Variants in NAA35 observed in about 807,000 individuals in gnomAD.
NAA35 encodes the protein N-alpha-acetyltransferase 35, NatC auxiliary subunit.
Under a neutral mutation model 101.7 loss-of-function variants are expected in NAA35, and 18 were observed. The observed-to-expected ratio is 0.18, with a 90% CI of 0.12 to 0.26. The LOEUF is 0.26. Ranked by LOEUF, NAA35 falls within the 10% of genes least tolerant of loss-of-function variation. NAA35 has a pLI of 1.00. For synonymous variants in NAA35, 267 were observed against 273.1 expected (o/e 0.98, Z 0.22); for missense variants, 601 against 886.8 (o/e 0.68, Z 4.09).
At chr9:86,014,371 C>CAGAGTAGTTGA in intron 17 of NAA35, 1 of 982,946 alleles carries the variant, frequency 1.0e-6, no homozygotes, top group African/African-American at 1.7e-5. Context: ...TGATCTTCGG[C>CAGAGTAGTTGA]AGAGTAGTTC....
chr9:85,951,507 G>T (rs1025010842), intron 2 of NAA35, among the ~76,000 whole-genome samples: 2 of 152,148 alleles, frequency 1.3e-5, no homozygotes, highest in African/African-American at 2.4e-5. Flanking sequence ...CCCTGGTAAT[G>T]GACTCTTTAT....
intron 11 of NAA35, chr9:85,986,908 G>C (rs1830674230): frequency 6.1e-6 from 1 of 164,522 alleles, no homozygotes. Flanking sequence ...CCAATCTTTT[G>C]GCTTCCCAGG....
chr9:86,016,246 T>C lies in NAA35; in HGVS notation c.1569-293T>C, dbSNP rs146139468. ...TATTTGCTTTGTGATTAAAAGAAAA[T>C]ATTTATAGACTGAACTGAACTGTGT... On this transcript the variant is annotated intron_variant, in intron 17 of 22. Coordinates refer to ENST00000361671, the MANE Select transcript of NAA35 (RefSeq NM_024635.4). Among the ~76,000 whole-genome samples, 218 of 152,268 alleles carry C rather than the reference T, an allele frequency of 1.4e-3. 2 individuals are homozygous for C. The highest frequency in any genetic ancestry group is 0.012 in the Admixed American group (184 of 15,284).
intron 2 of NAA35, among the ~76,000 whole-genome samples, chr9:85,952,288 G>GTT (rs199959174): frequency 3.6e-4 from 42 of 116,784 alleles, no homozygotes; most frequent in East Asian, 1.4e-3. Context: ...AGTGTTTTTT[G>GTT]TTTTTTTTTT....
chr9:86,012,936 C>A (rs926349174), intron 15 of NAA35, 110 bp from the exon 16 acceptor site: 17 of 581,136 alleles, frequency 2.9e-5, no homozygotes, highest in Non-Finnish European at 4.4e-5. Context: ...CTAATTCTTA[C>A]ATACACAGCA....
At chr9:86,004,564 A>G (rs534991408) in intron 13 of NAA35, among the ~76,000 whole-genome samples, 1 of 152,350 alleles carries the variant, frequency 6.6e-6, no homozygotes, top group South Asian at 2.1e-4. Context: ...ACAGAAGGAA[A>G]TAATGAGCAG....
intron 6 of NAA35, among the ~76,000 whole-genome samples, chr9:85,974,567 T>G (rs1229655711): frequency 6.6e-6 from 1 of 152,200 alleles, no homozygotes; most frequent in Non-Finnish European, 1.5e-5. Context: ...TAATAATTTT[T>G]TAAGTAGTCT....
chr9:86,006,785 T>C (rs916487472), intron 13 of NAA35, among the ~76,000 whole-genome samples: 5 of 152,330 alleles, frequency 3.3e-5, no homozygotes, highest in African/African-American at 1.2e-4. Context: ...AACAAACATG[T>C]AAATTTTACC....
At chr9:85,955,261 G>A (rs1458008993) in intron 2 of NAA35, among the ~76,000 whole-genome samples, 1 of 147,210 alleles carries the variant, frequency 6.8e-6, no homozygotes, top group Non-Finnish European at 1.5e-5. Context: ...AGTTGGCTAG[G>A]GAAGATTGGC....
chr9:85,990,573 A>T (rs1830858705), intron 11 of NAA35, among the ~76,000 whole-genome samples: 1 of 152,252 alleles, frequency 6.6e-6, no homozygotes, highest in Non-Finnish European at 1.5e-5. Flanking sequence ...ACAGCAAAGA[A>T]TGAATGATCT....
chr9:85,957,892 C>G lies in NAA35; in HGVS notation c.159-580C>G, dbSNP rs200262294. On this transcript the variant is annotated intron_variant, in intron 3 of 22. Transcript: ENST00000361671. ...AAGCGTAGATTGCTGGGTCCTACCC[C>G]GAGAATTCTTTATTAGGTCTAGTGT... Among the ~76,000 whole-genome samples, 9 of 151,508 alleles carry G rather than the reference C, an allele frequency of 5.9e-5. No homozygotes were observed. In the East Asian group the frequency reaches 1.5e-3, roughly 26 times the overall value.
chr9:85,944,186 G>C (rs922501046), intron 2 of NAA35, among the ~76,000 whole-genome samples: 2 of 152,152 alleles, frequency 1.3e-5, no homozygotes, highest in African/African-American at 2.4e-5. Flanking sequence ...TACTAGTTTA[G>C]TTTCCTTGGA....
At chr9:85,997,534 G>C (rs1365699476) in intron 12 of NAA35, among the ~76,000 whole-genome samples, 1 of 151,956 alleles carries the variant, frequency 6.6e-6, no homozygotes, top group African/African-American at 2.4e-5. Context: ...GTAGAGACAG[G>C]GTTTCACCAT....
intron 2 of NAA35, among the ~76,000 whole-genome samples, chr9:85,944,214 C>A (rs900587559): frequency 2.0e-5 from 3 of 152,132 alleles, no homozygotes; most frequent in Non-Finnish European, 4.4e-5. Flanking sequence ...TAATCTGAAT[C>A]TTAGTTTTCT....
At chr9:85,971,259 C>G (rs549918567) in intron 6 of NAA35, among the ~76,000 whole-genome samples, 1 of 152,308 alleles carries the variant, frequency 6.6e-6, no homozygotes, top group Admixed American at 6.5e-5. Flanking sequence ...CTACAGAGAA[C>G]TGGTCTTTAC....
rs765072094 is a variant in NAA35, at chr9:86,016,575, A to G, written c.1605A>G (p.Ser535=). ...AATTCCTTTACGCATGGTTGATGTCAACATTGAGTCGTGCCGATGGCTCTC... is the reference window on the plus strand; with the variant it reads ...AATTCCTTTACGCATGGTTGATGTCGACATTGAGTCGTGCCGATGGCTCTC... The part of the protein sequence containing the change: ...LSEFLYAWLM[S]TLSRADGSQM... Residue 535 remains serine, a synonymous_variant, in exon 18 of 23, where the codon TCA becomes TCG. Transcript: ENST00000361671. 30 of 1,613,980 alleles carry G rather than the reference A, an allele frequency of 1.9e-5. No homozygotes were observed. Among genetic ancestry groups the G allele is most frequent in the Admixed American group, 6.7e-5 (4 of 59,996 alleles).
chr9:85,950,521 G>A (rs1828973091), intron 2 of NAA35, among the ~76,000 whole-genome samples: 1 of 152,148 alleles, frequency 6.6e-6, no homozygotes, highest in Non-Finnish European at 1.5e-5. Flanking sequence ...TGGGATTACA[G>A]GTGTGAGCCA....
chr9:85,944,111 C>T (rs1564282117), intron 2 of NAA35, among the ~76,000 whole-genome samples: 1 of 152,122 alleles, frequency 6.6e-6, no homozygotes, highest in Non-Finnish European at 1.5e-5. Context: ...GACCAAGTAG[C>T]TTCTCAGTAA....
intron 2 of NAA35, among the ~76,000 whole-genome samples, chr9:85,953,039 G>A (rs552897821): frequency 9.9e-5 from 15 of 152,054 alleles, no homozygotes; most frequent in Middle Eastern, 3.4e-3. Context: ...ATGAAACCCC[G>A]TCTCTATAAG....
Sources: gnomAD v4.1 joint callset for allele counts (sites outside exome capture counted in the v4.1 genomes callset) on GRCh38, gnomAD v4.1.1 for gene constraint, MANE v1.5 for transcripts, NCBI Gene and HGNC (gene_info 2026-07-23, HGNC 2026-07-21) for gene names.